Variants in LCOR observed in about 807,000 individuals in gnomAD.
The protein encoded by LCOR is ligand dependent nuclear receptor corepressor, also known as ligand-dependent corepressor.
In LCOR, 14 loss-of-function variants were observed where a neutral mutation model predicts 64.4. That is an observed-to-expected ratio of 0.22 (90% CI 0.14 to 0.34). The LOEUF (loss-of-function observed/expected upper bound fraction) is 0.34. Among genes scored for constraint, LCOR ranks in the 10% least tolerant of loss-of-function variants. The pLI is 1.00. For missense variants in LCOR, 1,686 were observed against 1,765.3 expected, an observed-to-expected ratio of 0.96 and a Z score of 0.80; for synonymous variants, 643 against 642.5, an observed-to-expected ratio of 1.00 and a Z score of -0.01.
At position 96,985,163 on chromosome 10, in the gene LCOR, T is replaced by C; in HGVS notation, c.*29T>C. ...GAAAGATGGTAGCCAAGAGTAAAAC[T>C]GTTCTATAGAAGTAACCTTTTATTT... On this transcript the variant is annotated 3_prime_UTR_variant, in exon 8 of 8. Transcript: ENST00000421806. 1 of 1,554,334 alleles carries C rather than the reference T, an allele frequency of 6.4e-7. No individual in the cohort carries two copies. The highest frequency in any genetic ancestry group is 2.3e-5 in the East Asian group (1 of 44,228).
intron 7 of LCOR, chr10:96,955,067 C>T (rs766171734): frequency 1.9e-6 from 3 of 1,614,128 alleles, no homozygotes; most frequent in Non-Finnish European, 2.5e-6. Context: ...CCACATCACT[C>T]AAAGTTCCAC....
chr10:96,854,759 ATAAT>A (rs1845775393), intron 2 of LCOR, among the ~76,000 whole-genome samples: 1 of 152,218 alleles, frequency 6.6e-6, no homozygotes, highest in Non-Finnish European at 1.5e-5. Flanking sequence ...GACTAGAAAA[ATAAT>A]TCACAGATGT....
chr10:96,975,710 A>G (rs1477912709), intron 7 of LCOR, among the ~76,000 whole-genome samples: 1 of 151,958 alleles, frequency 6.6e-6, no homozygotes. Flanking sequence ...GATAAAAATT[A>G]TAGGATAAAT....
At chr10:96,951,186 G>A (rs916503195) in intron 6 of LCOR, among the ~76,000 whole-genome samples, 6 of 152,122 alleles carry the variant, frequency 3.9e-5, no homozygotes, top group Non-Finnish European at 8.8e-5. Flanking sequence ...GGACAGAGTG[G>A]TAGCTTTAAA....
rs748419558 is a variant in LCOR, at chr10:96,983,386, A to C, written c.2926A>C (p.Lys976Gln). Residue 976 changes from lysine to glutamine, a missense_variant, in exon 8 of 8, where the codon AAA (lysine) becomes CAA (glutamine). Transcript: ENST00000421806. This position sits in a 1 kb window ranked among gnomAD's most constrained non-coding sequence, Gnocchi z 4.5. ...TTGTAAGAGGGACCCAGAACAGGCAAAAGAAGAGCCAGGGCATATTCCCAC... is the reference window on the plus strand; with the variant it reads ...TTGTAAGAGGGACCCAGAACAGGCACAAGAAGAGCCAGGGCATATTCCCAC... ...IACKRDPEQA[K>Q]EEPGHIPTQH... is the part of the protein sequence containing the mutation. 6.2e-7 allele frequency: 1 copy of C among 1,614,058 alleles called. No homozygotes were observed. Among genetic ancestry groups the C allele is most frequent in the Admixed American group, 1.7e-5 (1 of 60,006 alleles).
At chr10:96,848,679 A>G (rs2134374993) in intron 2 of LCOR, among the ~76,000 whole-genome samples, 1 of 152,178 alleles carries the variant, frequency 6.6e-6, no homozygotes, top group African/African-American at 2.4e-5. Context: ...CAAAACAACA[A>G]AAAATAAAAA....
intron 4 of LCOR, among the ~76,000 whole-genome samples, chr10:96,914,351 C>T (rs1482628115): frequency 6.6e-6 from 1 of 152,182 alleles, no homozygotes; most frequent in Non-Finnish European, 1.5e-5. Flanking sequence ...GTGTCCACCA[C>T]CACACCTGGC....
chr10:96,918,751 TC>T (rs1846997684), intron 4 of LCOR, among the ~76,000 whole-genome samples: 1 of 152,204 alleles, frequency 6.6e-6, no homozygotes, highest in East Asian at 1.9e-4. Flanking sequence ...AGGAATTAAA[TC>T]AGGCATGAAT....
chr10:96,925,235 T>C (rs1220020194), intron 4 of LCOR, among the ~76,000 whole-genome samples: 1 of 151,722 alleles, frequency 6.6e-6, no homozygotes, highest in Non-Finnish European at 1.5e-5. Context: ...ACCACCACGC[T>C]CAGCTAATTT....
intron 2 of LCOR, among the ~76,000 whole-genome samples, chr10:96,875,842 G>A (rs1056117561): frequency 6.6e-6 from 1 of 151,892 alleles, no homozygotes; most frequent in Non-Finnish European, 1.5e-5. Flanking sequence ...CTCCAGCCTG[G>A]GCAACAAAGA....
At chr10:96,854,347 A>G (rs1589607117) in intron 2 of LCOR, among the ~76,000 whole-genome samples, 1 of 152,100 alleles carries the variant, frequency 6.6e-6, no homozygotes, top group Non-Finnish European at 1.5e-5. Flanking sequence ...TTTGTTTGAG[A>G]TGGAGTCTTG....
chr10:96,847,088 C>CA (rs1251350465), intron 2 of LCOR, among the ~76,000 whole-genome samples: 1 of 151,938 alleles, frequency 6.6e-6, no homozygotes, highest in African/African-American at 2.4e-5. Flanking sequence ...ACAAAAAATA[C>CA]AAAAATTAGT....
At chr10:96,955,895 A>C (rs1488072504) in intron 7 of LCOR, 5 of 1,613,830 alleles carry the variant, frequency 3.1e-6, no homozygotes, top group Non-Finnish European at 2.5e-6. Flanking sequence ...AGGCAGCACA[A>C]AGTGCAAATG....
Position 96,983,249 on chromosome 10 carries a change from G to T in LCOR, c.2789G>T (p.Ser930Ile). 1 of 1,614,176 alleles carries T rather than the reference G, an allele frequency of 6.2e-7. No individual in the cohort carries two copies. The highest frequency in any genetic ancestry group is 8.5e-7 in the Non-Finnish European group (1 of 1,180,040). ...VKELRGEIFP[S>I]RDPITTAGQP... ...GAGTTACGAGGAGAGATTTTCCCCA[G>T]CAGGGACCCCATAACCACAGCTGGA... Residue 930 changes from serine (S) to isoleucine (I), a missense_variant, in exon 8 of 8, where the codon AGC becomes ATC. This residue lies in a region of LCOR where 1,293 missense variants were observed against 1,410.4 expected (regional missense o/e 0.92). Transcript: ENST00000421806. The surrounding 1 kb of genome is among the most constrained non-coding windows in gnomAD (Gnocchi z 4.5).
intron 2 of LCOR, among the ~76,000 whole-genome samples, chr10:96,884,922 C>A (rs987270484): frequency 1.3e-5 from 2 of 152,180 alleles, no homozygotes; most frequent in African/African-American, 2.4e-5. Context: ...GCATTTCCTA[C>A]CTACCTTTTC....
intron 7 of LCOR, chr10:96,963,076 A>G (rs917522115): frequency 6.6e-6 from 1 of 152,246 alleles, no homozygotes; most frequent in African/African-American, 2.4e-5. Context: ...TCAGGTATCC[A>G]GGTATAACTC....
chr10:96,943,724 T>G (rs2134514269), intron 4 of LCOR, among the ~76,000 whole-genome samples: 2 of 151,296 alleles, frequency 1.3e-5, no homozygotes, highest in South Asian at 4.2e-4. Flanking sequence ...AGATTTGGAA[T>G]TCAAAAAAAA....
chr10:96,955,100 T>C (rs763692819), intron 7 of LCOR: 1 of 1,614,000 alleles, frequency 6.2e-7, no homozygotes, highest in Non-Finnish European at 8.5e-7. Flanking sequence ...TGCAGATTAG[T>C]GAAGAACTAC....
At chr10:96,891,479 ACT>A (rs1168878874) in intron 2 of LCOR, among the ~76,000 whole-genome samples, 10 of 23,902 alleles carry the variant, frequency 4.2e-4, no homozygotes, top group African/African-American at 1.2e-3. Flanking sequence ...GATTTTTCTG[ACT>A]CTTTTTTTTT....
Sources: allele counts gnomAD v4.1 joint callset (sites outside exome capture counted in the v4.1 genomes callset), GRCh38; gene constraint gnomAD v4.1.1; regional missense constraint gnomAD v4.1.1; non-coding constraint Gnocchi (gnomAD v3.1); transcripts MANE v1.5; gene names NCBI Gene and HGNC (gene_info 2026-07-23, HGNC 2026-07-21).